The following SEC24A variants were observed in gnomAD, a reference collection of about 807,000 sequenced individuals.
SEC24A encodes the protein protein transport protein Sec24A.
Under a neutral mutation model 129.4 loss-of-function variants are expected in SEC24A, and 93 were observed. The observed-to-expected ratio is 0.72, with a 90% CI of 0.61 to 0.85. The LOEUF is 0.85. Among genes scored for constraint, SEC24A ranks in the 40% least tolerant of loss-of-function variants. The pLI, the probability that SEC24A is intolerant of heterozygous loss-of-function variation, is 0.00. For synonymous variants in SEC24A, 460 were observed against 467.3 expected, an observed-to-expected ratio of 0.98 and a Z score of 0.20; for missense variants, 1,264 against 1,307.4, an observed-to-expected ratio of 0.97 and a Z score of 0.51.
chr5:134,674,807 T>G (rs1751000927), intron 5 of SEC24A, 32 bp downstream of exon 5: 1 of 1,599,656 alleles, frequency 6.3e-7, no homozygotes, highest in African/African-American at 1.3e-5. Context: ...TTAACCTATT[T>G]CTCCATTTGG....
intron 4 of SEC24A, 105 bp downstream of exon 4, chr5:134,671,991 A>C (rs1750881346): frequency 1.4e-6 from 1 of 710,674 alleles, no homozygotes; most frequent in African/African-American, 1.8e-5. Context: ...AAACTTCATA[A>C]TCATGTAGCC....
chr5:134,713,432 C>A (rs924896962), intron 18 of SEC24A, among the ~76,000 whole-genome samples: 1 of 152,102 alleles, frequency 6.6e-6, no homozygotes, highest in Non-Finnish European at 1.5e-5. Flanking sequence ...TTATCACTGA[C>A]ATACCACATA....
At chr5:134,698,532 C>A (rs1417815779) in intron 15 of SEC24A, among the ~76,000 whole-genome samples, 1 of 150,754 alleles carries the variant, frequency 6.6e-6, no homozygotes, top group Non-Finnish European at 1.5e-5. Context: ...TGGGGCCTGG[C>A]CTGGGAGTCA....
rs2150063051 is a variant in SEC24A at position 134,648,916 on chromosome 5, A to G, written c.-161A>G. Reference sequence around the variant, plus strand: ...GGCTGTGGCCGCCGGTGGCCTGGGGAGAGTGCGGCGCCATGCCTCGGGCTT... The same window carrying G: ...GGCTGTGGCCGCCGGTGGCCTGGGGGGAGTGCGGCGCCATGCCTCGGGCTT... On this transcript the variant is annotated 5_prime_UTR_variant, in exon 1 of 23. Coordinates refer to ENST00000398844, the MANE Select transcript of SEC24A (RefSeq NM_021982.3). 2.3e-5 allele frequency: 12 copies of G among 521,100 alleles called. No individual in the cohort carries two copies. In the South Asian group the frequency reaches 3.1e-4, roughly 14 times the overall value. 32.3% of individuals were successfully genotyped at this position (521,100 alleles called of 1,614,324 possible). A position where few individuals can be genotyped will look rare whatever the true frequency, so the allele number is the denominator to read the frequency against.
chr5:134,659,319 G>A lies in SEC24A; in HGVS notation c.98-1800G>A, dbSNP rs983454772. ...GATCTCCTGACCTCGTGATCCGCCC[G>A]CCTTGGCCTCCCAAAGTGCTGGGAT... On this transcript the variant is annotated intron_variant, in intron 1 of 22. Coordinates refer to ENST00000398844, the MANE Select transcript of SEC24A (RefSeq NM_021982.3). Among the ~76,000 whole-genome samples, 36 of 152,024 alleles carry A rather than the reference G, an allele frequency of 2.4e-4. No individual in the cohort carries two copies. The East Asian group carries it at 2.9e-3, about 12-fold the overall frequency.
At chr5:134,665,618 G>C (rs527924911) in intron 2 of SEC24A, among the ~76,000 whole-genome samples, 1 of 151,902 alleles carries the variant, frequency 6.6e-6, no homozygotes, top group South Asian at 2.1e-4. Flanking sequence ...GTGCAGTGAC[G>C]AGATCTCAGC....
chr5:134,697,129 A>G lies in SEC24A; in HGVS notation c.1990A>G (p.Ile664Val), dbSNP rs1751852863. The change falls in exon 14 of 23, where the codon ATA (isoleucine) becomes GTA (valine). Residue 664 changes from isoleucine to valine, a missense_variant. Ile to Val is a conservative substitution (Grantham distance 29). Transcript: ENST00000398844. ...EPNHRSSAKDIHMTPSTDFYK... is the reference protein window; with the variant it reads ...EPNHRSSAKDVHMTPSTDFYK... Reference sequence around the variant, plus strand: ...CTTTATAATTTATTATAAATAGGATATACACATGACACCATCCACTGACTT... The same window carrying G: ...CTTTATAATTTATTATAAATAGGATGTACACATGACACCATCCACTGACTT... 6.7e-7 allele frequency: 1 copy of G among 1,500,372 alleles called. No individual in the cohort carries two copies. Among genetic ancestry groups the G allele is most frequent in the East Asian group, 2.3e-5 (1 of 44,064 alleles). The allele number at this position is 1,500,372 out of a possible 1,614,324, so 92.9% of individuals were successfully genotyped here.
At chr5:134,704,215 G>T (rs1347013020) in intron 16 of SEC24A, among the ~76,000 whole-genome samples, 1 of 152,026 alleles carries the variant, frequency 6.6e-6, no homozygotes, top group African/African-American at 2.4e-5. Flanking sequence ...GAGTACAGGT[G>T]TGCGCCACCA....
At chr5:134,711,778 C>T (rs1226336594) in intron 18 of SEC24A, among the ~76,000 whole-genome samples, 8 of 151,484 alleles carry the variant, frequency 5.3e-5, no homozygotes, top group African/African-American at 1.2e-4. Context: ...GATGGAGTCT[C>T]GCTGTGTCGC....
chr5:134,682,017 G>A (rs1304472070), intron 8 of SEC24A, among the ~76,000 whole-genome samples: 5 of 152,070 alleles, frequency 3.3e-5, no homozygotes, highest in South Asian at 2.1e-4. Context: ...CAAGGCGGGC[G>A]GATCACCTGA....
Position 134,721,017 on chromosome 5 carries a change from G to GA in SEC24A, c.2996dup (p.Asn999LysfsTer30). ...CCCTAGGTACTGATGCTTTGGGTTG[G>GA]AAAAAATTGTACACAGAATTTTCTC... is the stretch of plus-strand genomic sequence containing the variant. On this transcript the variant is annotated frameshift_variant, in exon 21 of 23. Transcript: ENST00000398844. LOFTEE classifies it high-confidence loss of function. 6.2e-7 allele frequency: 1 copy of GA among 1,611,610 alleles called. No individual in the cohort carries two copies. The highest frequency in any genetic ancestry group is 8.5e-7 in the Non-Finnish European group (1 of 1,177,964).
rs1219552466 is a variant in SEC24A at position 134,725,883 on chromosome 5, T to G, written c.*789T>G. On this transcript the variant is annotated 3_prime_UTR_variant, in exon 23 of 23. Coordinates refer to ENST00000398844, the MANE Select transcript of SEC24A (RefSeq NM_021982.3). ...AATGATAATAGGGAGATAAGAAACT[T>G]TAATTATCTTGATCCTTTAAGTGGA... 6.6e-6 allele frequency: 1 copy of G among 152,348 alleles called. No individual in the cohort carries two copies. Among genetic ancestry groups the G allele is most frequent in the Non-Finnish European group, 1.5e-5 (1 of 67,960 alleles). 9.4% of individuals were successfully genotyped at this position (152,348 alleles called of 1,614,324 possible). A position where few individuals can be genotyped will look rare whatever the true frequency, so the allele number is the denominator to read the frequency against.
intron 11 of SEC24A, among the ~76,000 whole-genome samples, chr5:134,692,397 C>T (rs560668932): frequency 6.6e-6 from 1 of 152,156 alleles, no homozygotes; most frequent in Admixed American, 6.5e-5. Context: ...AGGTAGCAGA[C>T]AAGAAGCAGA....
At chr5:134,662,390 G>A (rs1319905709) in intron 2 of SEC24A, among the ~76,000 whole-genome samples, 1 of 152,006 alleles carries the variant, frequency 6.6e-6, no homozygotes, top group African/African-American at 2.4e-5. Context: ...TCCTGACCTC[G>A]TGATCCGCCC....
chr5:134,651,746 G>A (rs1487195401), intron 1 of SEC24A, among the ~76,000 whole-genome samples: 1 of 151,950 alleles, frequency 6.6e-6, no homozygotes, highest in African/African-American at 2.4e-5. Flanking sequence ...TTAGAGGCAT[G>A]AGCTACCAAG....
intron 18 of SEC24A, among the ~76,000 whole-genome samples, chr5:134,712,250 C>T (rs1476059646): frequency 6.6e-6 from 1 of 151,298 alleles, no homozygotes; most frequent in African/African-American, 2.4e-5. Context: ...CTACAGTTCT[C>T]ATTTCTTTTT....
At chr5:134,702,451 A>G (rs1274277710) in intron 15 of SEC24A, among the ~76,000 whole-genome samples, 3 of 152,232 alleles carry the variant, frequency 2.0e-5, no homozygotes, top group Non-Finnish European at 4.4e-5. Flanking sequence ...TGTGTATGCG[A>G]CACATACACT....
intron 22 of SEC24A, 82 bp downstream of exon 22, chr5:134,723,752 A>G (rs1580746754): frequency 2.6e-6 from 2 of 769,736 alleles, no homozygotes; most frequent in Non-Finnish European, 2.2e-6. Context: ...GCAAAAAAAA[A>G]GAAGAAAGAA....
intron 1 of SEC24A, among the ~76,000 whole-genome samples, chr5:134,656,081 A>ATC (rs1750232806): frequency 8.9e-6 from 1 of 112,106 alleles, no homozygotes; most frequent in African/African-American, 2.9e-5. Context: ...GCAGCTAAAT[A>ATC]TCTTTTTTTT....
Sources: allele counts gnomAD v4.1 joint callset (sites outside exome capture counted in the v4.1 genomes callset), GRCh38; gene constraint gnomAD v4.1.1; transcripts MANE v1.5; gene names NCBI Gene and HGNC (gene_info 2026-07-23, HGNC 2026-07-21).